The following CDK13 variants were observed in gnomAD, a reference collection of about 807,000 sequenced individuals.
The protein encoded by CDK13 is cyclin dependent kinase 13.
CDK13 carries 40 observed loss-of-function variants against 137.6 expected under a neutral mutation model. The ratio of observed to expected loss-of-function variants is 0.29; its 90% CI spans 0.23 to 0.38. The LOEUF (loss-of-function observed/expected upper bound fraction) is 0.38. CDK13 is among the 10% of genes least tolerant of loss of function. The probability of loss-of-function intolerance (pLI) is 1.00; values close to 1 mark genes in which losing one functional copy is unlikely to be tolerated. For synonymous variants in CDK13, 869 were observed against 760.1 expected (o/e 1.14, Z -2.36); for missense variants, 1,704 against 1,951.8 (o/e 0.87, Z 2.39).
At chr7:39,979,310 A>G (rs1398517703) in intron 1 of CDK13, among the ~76,000 whole-genome samples, 4 of 145,466 alleles carry the variant, frequency 2.7e-5, no homozygotes, top group East Asian at 4.0e-4. Context: ...TCCGCCTCCC[A>G]GGTTCAAGCG....
intron 1 of CDK13, among the ~76,000 whole-genome samples, chr7:39,961,655 C>CT (rs1419586885): frequency 6.7e-6 from 1 of 148,358 alleles, no homozygotes; most frequent in Non-Finnish European, 1.5e-5. Flanking sequence ...TTTAATTATA[C>CT]TTTAAGTTTT....
At chr7:40,072,913 A>T (rs1469633161) in intron 9 of CDK13, 1 of 152,238 alleles carries the variant, frequency 6.6e-6, no homozygotes, top group Non-Finnish European at 1.5e-5. Context: ...AAGTTCTAAA[A>T]AATCAAAACT....
chr7:39,984,412 A>C (rs1784294779), intron 1 of CDK13: 1 of 152,136 alleles, frequency 6.6e-6, no homozygotes, highest in African/African-American at 2.4e-5. Flanking sequence ...CTGTTTCAAA[A>C]AAAAAAAAAA....
At chr7:40,059,443 T>C (rs1786092673) in intron 7 of CDK13, among the ~76,000 whole-genome samples, 1 of 152,248 alleles carries the variant, frequency 6.6e-6, no homozygotes, top group Non-Finnish European at 1.5e-5. Context: ...CACTGCAACC[T>C]CTGCCTCCAG....
intron 5 of CDK13, among the ~76,000 whole-genome samples, chr7:40,038,923 G>A (rs1282668400): frequency 4.6e-5 from 7 of 152,188 alleles, no homozygotes; most frequent in South Asian, 2.1e-4. Context: ...TCGATCGCCC[G>A]ACCTCAGGTG....
At chr7:40,038,267 T>C (rs1392965132) in intron 5 of CDK13, among the ~76,000 whole-genome samples, 1 of 152,188 alleles carries the variant, frequency 6.6e-6, no homozygotes, top group Non-Finnish European at 1.5e-5. Context: ...CATTTAACCA[T>C]ATATGCTGAA....
chr7:40,029,035 C>A (rs1433403785), intron 5 of CDK13, among the ~76,000 whole-genome samples: 2 of 151,512 alleles, frequency 1.3e-5, no homozygotes, highest in Non-Finnish European at 2.9e-5. Context: ...CACTTATATG[C>A]AGATTTTTAA....
At chr7:39,956,591 C>CT (rs886693735) in intron 1 of CDK13, among the ~76,000 whole-genome samples, 18 of 148,276 alleles carry the variant, frequency 1.2e-4, no homozygotes, top group East Asian at 7.9e-4. Context: ...TAAACCTAAA[C>CT]TTTTTTTTTT....
chr7:40,050,734 G>A (rs200293135), intron 7 of CDK13, among the ~76,000 whole-genome samples: 4 of 152,144 alleles, frequency 2.6e-5, no homozygotes, highest in Non-Finnish European at 5.9e-5. Context: ...CTATTATTTT[G>A]GGCAAGTTCT....
intron 2 of CDK13, among the ~76,000 whole-genome samples, chr7:39,989,584 A>G (rs1784414923): frequency 6.6e-6 from 1 of 152,064 alleles, no homozygotes; most frequent in African/African-American, 2.4e-5. Context: ...GACCCCATCC[A>G]ATTTAATCGG....
chr7:39,963,179 A>C (rs1162901945), intron 1 of CDK13, among the ~76,000 whole-genome samples: 1 of 152,124 alleles, frequency 6.6e-6, no homozygotes, highest in Non-Finnish European at 1.5e-5. Flanking sequence ...TGGTAGCTTG[A>C]TGGGGATGGC....
Position 40,028,304 on chromosome 7 carries a change from C to T in CDK13, c.2354-17532C>T, listed in dbSNP as rs182311107. Among the ~76,000 whole-genome samples the T allele has an allele frequency of 2.4e-3, 363 of 151,324 alleles. 1 individual carries two copies. The highest frequency in any genetic ancestry group is 3.9e-3 in the Non-Finnish European group (265 of 67,850). ...CCTGATCTAGGCTCACTACAAGCTC[C>T]GCCTCCCAGGTTCACGTCATTCTGC... is the stretch of plus-strand genomic sequence containing the variant. On this transcript the variant is annotated intron_variant, in intron 5 of 13. Coordinates refer to ENST00000181839, the MANE Select transcript of CDK13 (RefSeq NM_003718.5).
chr7:39,951,435 C>G lies in CDK13; in HGVS notation c.794C>G (p.Ser265Cys). The change falls in exon 1 of 14, where the codon TCC (serine) becomes TGC (cysteine). Residue 265 changes from serine to cysteine, a missense_variant. Ser to Cys is a moderately radical substitution (Grantham distance 112). This residue lies in a region of CDK13 where 1,051 missense variants were observed against 931.0 expected (regional missense o/e 1.13). Coordinates refer to ENST00000181839, the MANE Select transcript of CDK13 (RefSeq NM_003718.5). ...CGCCGGAAAAGCGCTTCGGCCACAT[C>G]CAGCAGCAGTAGCAGCCGCAAGGAC... is the stretch of plus-strand genomic sequence containing the variant. ...GGRRKSASATSSSSSSRKDRD... is the reference protein window; with the variant it reads ...GGRRKSASATCSSSSSRKDRD... The G allele has an allele frequency of 6.5e-7, 1 of 1,535,376 alleles. No homozygotes were observed. Among genetic ancestry groups the G allele is most frequent in the Middle Eastern group, 1.7e-4 (1 of 5,770 alleles).
At chr7:40,032,892 A>G (rs1225031442) in intron 5 of CDK13, among the ~76,000 whole-genome samples, 1 of 152,158 alleles carries the variant, frequency 6.6e-6, no homozygotes, top group East Asian at 1.9e-4. Flanking sequence ...TATCTATATA[A>G]ACGTTAGAAT....
chr7:40,016,834 T>G (rs1785014444), intron 5 of CDK13, among the ~76,000 whole-genome samples: 1 of 152,154 alleles, frequency 6.6e-6, no homozygotes, highest in Non-Finnish European at 1.5e-5. Flanking sequence ...TGGTAGTGTT[T>G]TAAAAAATTT....
At chr7:39,977,640 TC>T (rs1784137955) in intron 1 of CDK13, among the ~76,000 whole-genome samples, 2 of 152,120 alleles carry the variant, frequency 1.3e-5, no homozygotes. Context: ...GCCTGACACT[TC>T]CTATATTTTG....
intron 1 of CDK13, chr7:39,984,866 C>T (rs911505520): frequency 1.3e-5 from 2 of 152,112 alleles, no homozygotes; most frequent in Non-Finnish European, 2.9e-5. Flanking sequence ...TATCAGCTAT[C>T]AGGAGGCTGA....
In CDK13 at chr7:40,098,533, T is replaced by C. The variant is rs1462570088; in HGVS notation, c.*3553T>C. 6.6e-6 allele frequency: 1 copy of C among 151,842 alleles called. No homozygotes were observed. The highest frequency in any genetic ancestry group is 1.5e-5 in the Non-Finnish European group (1 of 67,950). 9.4% of individuals were successfully genotyped at this position (151,842 alleles called of 1,614,324 possible). A position where few individuals can be genotyped will look rare whatever the true frequency, so the allele number is the denominator to read the frequency against. ...GATATAATATCCTTTCAATTTTTTT[T>C]TTTTTTTTGGCCCAGTCTGCCTTTT... On this transcript the variant is annotated 3_prime_UTR_variant, in exon 14 of 14. Transcript: ENST00000181839.
intron 1 of CDK13, among the ~76,000 whole-genome samples, chr7:39,975,805 A>G (rs1251838475): frequency 1.3e-5 from 2 of 152,218 alleles, no homozygotes; most frequent in African/African-American, 4.8e-5. Context: ...AAGGCGGTTT[A>G]GGCCTTGTGA....
Sources: gnomAD v4.1 joint callset for allele counts (sites outside exome capture counted in the v4.1 genomes callset) on GRCh38, gnomAD v4.1.1 for gene constraint, gnomAD v4.1.1 regional missense constraint, MANE v1.5 for transcripts, NCBI Gene and HGNC (gene_info 2026-07-23, HGNC 2026-07-21) for gene names.